The following IL1RAPL1 variants were observed in gnomAD, a reference collection of about 807,000 sequenced individuals.
IL1RAPL1 encodes interleukin 1 receptor accessory protein like 1, also known as interleukin-1 receptor accessory protein-like 1.
In IL1RAPL1, 3 loss-of-function variants were observed where a neutral mutation model predicts 48.4. The observed-to-expected ratio is 0.06, with a 90% CI of 0.03 to 0.16. The LOEUF (loss-of-function observed/expected upper bound fraction) is 0.16, where lower values mean the gene tolerates loss of function less well. Ranked by LOEUF, IL1RAPL1 falls within the 10% of genes least tolerant of loss-of-function variation. The pLI is 1.00. For missense variants in IL1RAPL1, 349 were observed against 530.6 expected, an observed-to-expected ratio of 0.66 and a Z score of 3.36; for synonymous variants, 185 against 187.7, an observed-to-expected ratio of 0.99 and a Z score of 0.12.
chrX:29,629,894 A>C (rs1434136421), intron 5 of IL1RAPL1, among the ~76,000 whole-genome samples: 1 of 111,941 alleles, frequency 8.9e-6, no homozygotes, highest in Non-Finnish European at 1.9e-5. Flanking sequence ...GAAAGAGTCA[A>C]CTGGAACCCG....
At chrX:29,341,040 C>G (rs1168336421) in intron 3 of IL1RAPL1, among the ~76,000 whole-genome samples, 1 of 112,162 alleles carries the variant, frequency 8.9e-6, no homozygotes, top group Non-Finnish European at 1.9e-5. Flanking sequence ...CCACTGAAAT[C>G]AATGTTCTAA....
rs759024954 is a variant in IL1RAPL1 at position 29,300,030 on chromosome X, T to G, written c.362+16813T>G. On this transcript the variant is annotated intron_variant, in intron 3 of 10. Transcript: ENST00000378993. ...CTCTCATCATGTGATCTCTGCTCTCTTTTGCCTTCCACTATAAGTGGAAGC... is the reference window on the plus strand; with the variant it reads ...CTCTCATCATGTGATCTCTGCTCTCGTTTGCCTTCCACTATAAGTGGAAGC... Among the ~76,000 whole-genome samples, 840 of 111,765 alleles carry G rather than the reference T, an allele frequency of 7.5e-3. 10 individuals carry two copies. Among genetic ancestry groups the G allele is most frequent in the African/African-American group, 0.027 (815 of 30,752 alleles).
intron 2 of IL1RAPL1, among the ~76,000 whole-genome samples, chrX:29,079,696 A>G (rs1181605798): frequency 1.8e-5 from 2 of 109,511 alleles, no homozygotes; most frequent in Admixed American, 9.9e-5. Context: ...GAGGAGAATG[A>G]GAAGGAATAG....
intron 2 of IL1RAPL1, among the ~76,000 whole-genome samples, chrX:28,892,771 T>C (rs1601947043): frequency 9.1e-6 from 1 of 109,921 alleles, no homozygotes; most frequent in Non-Finnish European, 1.9e-5. Context: ...AGGGGTGATA[T>C]TGTGGGGTTG....
intron 2 of IL1RAPL1, among the ~76,000 whole-genome samples, chrX:28,968,375 T>C (rs1187457369): frequency 1.8e-5 from 2 of 110,978 alleles, no homozygotes; most frequent in Non-Finnish European, 3.8e-5. Flanking sequence ...AAAATGCAAA[T>C]TGTGAGTTAT....
At chrX:29,555,785 T>C (rs1404732022) in intron 5 of IL1RAPL1, among the ~76,000 whole-genome samples, 1 of 112,191 alleles carries the variant, frequency 8.9e-6, no homozygotes, top group Non-Finnish European at 1.9e-5. Flanking sequence ...CAATGATCCA[T>C]ATTATGCATG....
chrX:28,783,077 C>T (rs1023017473), intron 1 of IL1RAPL1, among the ~76,000 whole-genome samples: 1 of 111,148 alleles, frequency 9.0e-6, no homozygotes, highest in Non-Finnish European at 1.9e-5. Context: ...CTTTCCTTAC[C>T]AGATTCCTGT....
chrX:28,686,394 G>A (rs961987401), intron 1 of IL1RAPL1, among the ~76,000 whole-genome samples: 3 of 111,603 alleles, frequency 2.7e-5, no homozygotes, highest in Non-Finnish European at 3.8e-5. Flanking sequence ...TGTCTCTTTC[G>A]ATTTTCTCTA....
intron 2 of IL1RAPL1, among the ~76,000 whole-genome samples, chrX:29,012,330 G>A (rs1032669390): frequency 1.3e-4 from 14 of 111,666 alleles, no homozygotes; most frequent in Non-Finnish European, 1.7e-4. Flanking sequence ...ATCGCCTGAG[G>A]TCAGGAGTTC....
At chrX:28,648,046 C>A (rs369994446) in intron 1 of IL1RAPL1, among the ~76,000 whole-genome samples, 1 of 111,461 alleles carries the variant, frequency 9.0e-6, no homozygotes, top group Admixed American at 9.5e-5. Context: ...CAGTTCTTAC[C>A]ACTCTTCCCC....
chrX:29,712,091 C>T (rs1307146685), intron 6 of IL1RAPL1, among the ~76,000 whole-genome samples: 2 of 85,999 alleles, frequency 2.3e-5, no homozygotes, highest in Admixed American at 1.5e-4. Flanking sequence ...TCCAAATTTT[C>T]TTCTTTTTTT....
At chrX:29,074,387 T>C (rs1927627550) in intron 2 of IL1RAPL1, among the ~76,000 whole-genome samples, 1 of 111,657 alleles carries the variant, frequency 9.0e-6, no homozygotes, top group Admixed American at 9.5e-5. Flanking sequence ...AGCCTGACCA[T>C]GGCCTAACTC....
intron 2 of IL1RAPL1, among the ~76,000 whole-genome samples, chrX:29,089,686 A>G (rs1291778291): frequency 1.1e-5 from 1 of 89,870 alleles, no homozygotes; most frequent in Non-Finnish European, 2.1e-5. Context: ...TAAGTTTGAA[A>G]TCTTTCCCTC....
chrX:28,750,500 A>C (rs1246131084), intron 1 of IL1RAPL1, among the ~76,000 whole-genome samples: 1 of 111,393 alleles, frequency 9.0e-6, no homozygotes, highest in Non-Finnish European at 1.9e-5. Context: ...TGTCAGAAAA[A>C]ATTTTATATA....
chrX:29,087,122 C>T (rs1454518970), intron 2 of IL1RAPL1, among the ~76,000 whole-genome samples: 2 of 104,209 alleles, frequency 1.9e-5, no homozygotes, highest in Non-Finnish European at 3.9e-5. Flanking sequence ...TGACAGAGGA[C>T]ATTATTTAAA....
At chrX:29,950,457 A>C (rs932429089) in intron 9 of IL1RAPL1, among the ~76,000 whole-genome samples, 1 of 111,420 alleles carries the variant, frequency 9.0e-6, no homozygotes, top group Non-Finnish European at 1.9e-5. Flanking sequence ...CTGCATGCCT[A>C]TATCCTGTTC....
intron 1 of IL1RAPL1, among the ~76,000 whole-genome samples, chrX:28,692,219 G>T (rs893922243): frequency 9.0e-6 from 1 of 111,453 alleles, no homozygotes; most frequent in Admixed American, 9.6e-5. Flanking sequence ...CCCCATGACG[G>T]AAACAAACAC....
At chrX:29,106,944 T>C (rs940299881) in intron 2 of IL1RAPL1, among the ~76,000 whole-genome samples, 1 of 111,520 alleles carries the variant, frequency 9.0e-6, no homozygotes, top group African/African-American at 3.3e-5. Context: ...TGAGGGGAAA[T>C]GGGCCCCATA....
intron 3 of IL1RAPL1, among the ~76,000 whole-genome samples, chrX:29,374,770 G>T (rs1341092799): frequency 9.1e-6 from 1 of 110,105 alleles, no homozygotes; most frequent in Non-Finnish European, 1.9e-5. Flanking sequence ...AATAGATGTT[G>T]TTGAAGAAGA....
Sources: gnomAD v4.1 joint callset for allele counts (sites outside exome capture counted in the v4.1 genomes callset) on GRCh38, gnomAD v4.1.1 for gene constraint, MANE v1.5 for transcripts, NCBI Gene and HGNC (gene_info 2026-07-23, HGNC 2026-07-21) for gene names.